The following PRKACB variants were observed in gnomAD, a reference collection of about 807,000 sequenced individuals.
PRKACB encodes protein kinase cAMP-activated catalytic subunit beta.
In PRKACB, 16 loss-of-function variants were observed where a neutral mutation model predicts 51.4. The ratio of observed to expected loss-of-function variants is 0.31; its 90% CI spans 0.21 to 0.47. The LOEUF (loss-of-function observed/expected upper bound fraction) is 0.47. Ranked by LOEUF, PRKACB falls within the 20% of genes least tolerant of loss-of-function variation. PRKACB has a pLI of 1.00. For missense variants in PRKACB, 309 were observed against 464.5 expected (o/e 0.67, Z 3.08); for synonymous variants, 147 against 154.4 (o/e 0.95, Z 0.35).
chr1:84,187,130 A>G (rs1357317033), intron 5 of PRKACB, among the ~76,000 whole-genome samples: 2 of 152,176 alleles, frequency 1.3e-5, no homozygotes, highest in Admixed American at 6.6e-5. Context: ...CCATTGACTA[A>G]CATTTTATGA....
At chr1:84,208,960 G>A (rs1671740991) in intron 8 of PRKACB, among the ~76,000 whole-genome samples, 1 of 152,248 alleles carries the variant, frequency 6.6e-6, no homozygotes, top group East Asian at 1.9e-4. Context: ...AGGTGGCAAG[G>A]ATGTTCACTT....
chr1:84,185,547 T>C (rs1292768568), intron 5 of PRKACB, among the ~76,000 whole-genome samples: 3 of 151,728 alleles, frequency 2.0e-5, no homozygotes, highest in Non-Finnish European at 2.9e-5. Flanking sequence ...AGGATGAAGA[T>C]GGAAAATAAA....
Position 84,103,576 on chromosome 1 carries a change from A to G in PRKACB, c.46+25205A>G, listed in dbSNP as rs114032003. On this transcript the variant is annotated intron_variant, in intron 1 of 8. Coordinates refer to the PRKACB transcript ENST00000370688. The stretch of plus-strand genomic sequence containing the variant: ...CAGTGTGAAGTGAGCCAGCAGACCT[A>G]TGACCTCATTTGGGCTGTTCCAGCT... 6.0e-3 allele frequency among the ~76,000 whole-genome samples: 908 copies of G among 152,312 alleles called. 5 individuals are homozygous for G. Among genetic ancestry groups the G allele is most frequent in the African/African-American group, 0.021 (856 of 41,572 alleles).
At chr1:84,171,585 C>CA (rs1315161870) in intron 1 of PRKACB, among the ~76,000 whole-genome samples, 1 of 151,424 alleles carries the variant, frequency 6.6e-6, no homozygotes, top group Non-Finnish European at 1.5e-5. Flanking sequence ...TTTTACAAGT[C>CA]AAGTATAGGA....
intron 1 of PRKACB, among the ~76,000 whole-genome samples, chr1:84,173,947 A>G (rs11163912): frequency 0.014 from 2,200 of 151,910 alleles, 59 homozygotes; most frequent in African/African-American, 0.049. Context: ...ATCAACATCT[A>G]ACATATTGAG....
intron 9 of PRKACB, among the ~76,000 whole-genome samples, chr1:84,232,044 T>C (rs530643511): frequency 5.3e-4 from 80 of 152,176 alleles, no homozygotes; most frequent in African/African-American, 1.7e-3. Flanking sequence ...TCCTGCTTTC[T>C]CTTGTGGGCA....
At chr1:84,114,578 T>TGG (rs746591082) in intron 1 of PRKACB, among the ~76,000 whole-genome samples, 28 of 152,168 alleles carry the variant, frequency 1.8e-4, no homozygotes, top group Non-Finnish European at 3.7e-4. Context: ...ACAATATACT[T>TGG]TTGCTTACTT....
chr1:84,170,823 C>T (rs1659206569), intron 1 of PRKACB, among the ~76,000 whole-genome samples: 1 of 151,064 alleles, frequency 6.6e-6, no homozygotes, highest in South Asian at 2.1e-4. Flanking sequence ...TCTAACAGAG[C>T]CTTAAAATAT....
chr1:84,232,260 G>A (rs558157509), intron 9 of PRKACB, among the ~76,000 whole-genome samples: 8 of 151,782 alleles, frequency 5.3e-5, no homozygotes, highest in Admixed American at 5.2e-4. Flanking sequence ...CTGAGTTCTA[G>A]TTTGATTGCA....
chr1:84,171,176 A>G (rs945421107), intron 1 of PRKACB, among the ~76,000 whole-genome samples: 1 of 151,634 alleles, frequency 6.6e-6, no homozygotes, highest in African/African-American at 2.4e-5. Context: ...GGGTGCAGCA[A>G]AAGTGGATAT....
At chr1:84,174,975 A>G in intron 1 of PRKACB, 6 of 1,404,704 alleles carry the variant, frequency 4.3e-6, no homozygotes, top group Non-Finnish European at 4.7e-6. Flanking sequence ...TGGTGACTTC[A>G]TGCTAATATG....
At chr1:84,204,718 TA>T in intron 8 of PRKACB, 2 of 958,116 alleles carry the variant, frequency 2.1e-6, no homozygotes, top group Non-Finnish European at 2.7e-6. Context: ...ACAGTAATTA[TA>T]AAGTTCTTGA....
At chr1:84,159,681 T>C (rs543152525) in intron 1 of PRKACB, among the ~76,000 whole-genome samples, 1 of 152,242 alleles carries the variant, frequency 6.6e-6, no homozygotes, top group African/African-American at 2.4e-5. Flanking sequence ...GGGGAAAGCG[T>C]TCCATCTTTC....
Position 84,238,108 on chromosome 1 carries a change from C to T in PRKACB, c.*2803C>T, listed in dbSNP as rs1427787545. On this transcript the variant is annotated 3_prime_UTR_variant, in exon 10 of 10. Coordinates refer to ENST00000370685, the MANE Select transcript of PRKACB (RefSeq NM_182948.4). ...GGTGTCTGTCCTAATTCCTTTCTCA[C>T]TCACCGATGCTGAATACCCAGTTGA... 6.6e-6 allele frequency: 1 copy of T among 152,176 alleles called. No individual in the cohort carries two copies. Among genetic ancestry groups the T allele is most frequent in the Non-Finnish European group, 1.5e-5 (1 of 67,998 alleles). The allele number at this position is 152,176 out of a possible 1,614,324, so 9.4% of individuals were successfully genotyped here. A position where few individuals can be genotyped will look rare whatever the true frequency, so the allele number is the denominator to read the frequency against.
chr1:84,216,121 T>A lies in PRKACB; in HGVS notation c.1071+1804T>A, dbSNP rs76704884. On this transcript the variant is annotated intron_variant, in intron 9 of 9. Transcript: ENST00000370685. ...GGCCAAGGTGGGTGGATTGCTTGAG[T>A]CTCACTCAAGAGTTTGAGACCAGCC... Among the ~76,000 whole-genome samples the A allele has an allele frequency of 8.9e-3, 1,349 of 152,118 alleles. 14 individuals carry two copies. The highest frequency in any genetic ancestry group is 0.031 in the African/African-American group (1,276 of 41,502).
intron 1 of PRKACB, among the ~76,000 whole-genome samples, chr1:84,154,879 T>C (rs1256539686): frequency 6.6e-6 from 1 of 152,112 alleles, no homozygotes. Context: ...AGTGCTGTAC[T>C]TCAACATAAT....
intron 1 of PRKACB, among the ~76,000 whole-genome samples, chr1:84,116,399 A>C (rs1342524892): frequency 6.6e-6 from 1 of 152,072 alleles, no homozygotes; most frequent in African/African-American, 2.4e-5. Flanking sequence ...TAGTATTTTG[A>C]TATGATTATG....
chr1:84,225,353 C>G (rs1265062251), intron 9 of PRKACB, among the ~76,000 whole-genome samples: 1 of 152,194 alleles, frequency 6.6e-6, no homozygotes, highest in Non-Finnish European at 1.5e-5. Context: ...CCCTCAGACT[C>G]TGGGGAGTGT....
chr1:84,144,596 G>C (rs1364996774), intron 1 of PRKACB, 48 bp downstream of exon 1: 1 of 1,491,716 alleles, frequency 6.7e-7, no homozygotes, highest in South Asian at 1.3e-5. Context: ...AACTAAAATG[G>C]TAATTGGAGT....
Sources: gnomAD v4.1 joint callset for allele counts (sites outside exome capture counted in the v4.1 genomes callset) on GRCh38, gnomAD v4.1.1 for gene constraint, MANE v1.5 for transcripts, NCBI Gene and HGNC (gene_info 2026-07-23, HGNC 2026-07-21) for gene names.